SOX6: variants seen among roughly 807,000 people sequenced by gnomAD.
SOX6 encodes the protein transcription factor SOX-6.
A neutral mutation model predicts 97.8 loss-of-function variants in SOX6; 11 were observed. The observed-to-expected ratio is 0.11, with a 90% CI of 0.07 to 0.19. SOX6 has a LOEUF of 0.19. Ranked by LOEUF, SOX6 falls within the 10% of genes least tolerant of loss-of-function variation. The pLI is 1.00. For synonymous variants in SOX6, 360 were observed against 371.4 expected, an observed-to-expected ratio of 0.97 and a Z score of 0.35; for missense variants, 810 against 1,039.5, an observed-to-expected ratio of 0.78 and a Z score of 3.04.
chr11:16,197,662 C>A (rs758587583), intron 4 of SOX6, among the ~76,000 whole-genome samples: 1 of 152,100 alleles, frequency 6.6e-6, no homozygotes. Flanking sequence ...ATAGGTGCTG[C>A]CAAATATATC....
At chr11:16,045,814 G>A (rs990918217) in intron 12 of SOX6, among the ~76,000 whole-genome samples, 2 of 152,136 alleles carry the variant, frequency 1.3e-5, no homozygotes, top group African/African-American at 2.4e-5. Context: ...TAACATGCCA[G>A]CCCTATAACA....
intron 4 of SOX6, among the ~76,000 whole-genome samples, chr11:16,505,892 T>C (rs1348294173): frequency 6.6e-6 from 1 of 152,032 alleles, no homozygotes; most frequent in African/African-American, 2.4e-5. Flanking sequence ...AGGGCAAGAG[T>C]TGAGGCTTGG....
chr11:16,538,587 T>G (rs1861347472), intron 4 of SOX6, among the ~76,000 whole-genome samples: 2 of 152,118 alleles, frequency 1.3e-5, no homozygotes, highest in African/African-American at 4.8e-5. Context: ...CCATCTCATG[T>G]GCAGAGACAC....
chr11:16,055,229 A>G (rs1847784373), intron 10 of SOX6, among the ~76,000 whole-genome samples: 1 of 151,840 alleles, frequency 6.6e-6, no homozygotes, highest in Non-Finnish European at 1.5e-5. Context: ...ATTTTATTTT[A>G]TTTATTTATT....
At chr11:16,334,337 T>C (rs1009912180) in intron 2 of SOX6, among the ~76,000 whole-genome samples, 1 of 152,176 alleles carries the variant, frequency 6.6e-6, no homozygotes, top group East Asian at 1.9e-4. Flanking sequence ...TAATCACATG[T>C]TAATGACTGG....
chr11:16,217,958 A>G (rs926656190), intron 4 of SOX6, among the ~76,000 whole-genome samples: 4 of 152,082 alleles, frequency 2.6e-5, no homozygotes, highest in African/African-American at 9.7e-5. Context: ...CGCCTCCTAG[A>G]TAAGTTTCCT....
chr11:16,194,117 T>G (rs1026657715), intron 4 of SOX6, among the ~76,000 whole-genome samples: 6 of 152,286 alleles, frequency 3.9e-5, no homozygotes, highest in African/African-American at 1.2e-4. Context: ...TACTTTGTGG[T>G]GACTGCCTGA....
At chr11:16,457,082 T>C (rs1458860878) in intron 1 of SOX6, among the ~76,000 whole-genome samples, 2 of 152,150 alleles carry the variant, frequency 1.3e-5, no homozygotes, top group Non-Finnish European at 2.9e-5. Context: ...CTAGGATTTC[T>C]GATACTCTGT....
rs192235787 is a variant in SOX6 at position 16,114,272 on chromosome 11, T to C, written c.778-2349A>G. 2.1e-4 allele frequency among the ~76,000 whole-genome samples: 32 copies of C among 152,186 alleles called. 1 individual carries two copies. Among genetic ancestry groups the C allele is most frequent in the South Asian group, 4.1e-4 (2 of 4,826 alleles). ...TTACTAGGTGCCTCTAAAGGCCTTGTTGGCAAAAAGTCTGAACTCAAATCT... is the reference window on the plus strand; with the variant it reads ...TTACTAGGTGCCTCTAAAGGCCTTGCTGGCAAAAAGTCTGAACTCAAATCT... On this transcript the variant is annotated intron_variant, in intron 6 of 15. Transcript: ENST00000683767.
At position 16,354,389 on chromosome 11, in the gene SOX6, G is replaced by A. The variant is rs534718004; in HGVS notation, c.-5+1705C>T. Among the ~76,000 whole-genome samples, 337 of 151,998 alleles carry A rather than the reference G, an allele frequency of 2.2e-3. 2 individuals carry two copies. The highest frequency in any genetic ancestry group is 7.9e-3 in the African/African-American group (327 of 41,490). On this transcript the variant is annotated intron_variant, in intron 1 of 15. Coordinates refer to ENST00000683767, the MANE Select transcript of SOX6 (RefSeq NM_001367873.1). ...ACATCACAATAAATAAAAATTCCAC[G>A]GAATATAAGTTTTCCAGTCCCAATA...
intron 6 of SOX6, among the ~76,000 whole-genome samples, chr11:16,133,211 C>A (rs1849867887): frequency 6.6e-6 from 1 of 152,174 alleles, no homozygotes; most frequent in Non-Finnish European, 1.5e-5. Flanking sequence ...GGGCACACCC[C>A]TTTTTGGAGA....
At chr11:16,274,650 G>C (rs1174119135) in intron 3 of SOX6, among the ~76,000 whole-genome samples, 2 of 152,098 alleles carry the variant, frequency 1.3e-5, no homozygotes, top group Non-Finnish European at 2.9e-5. Flanking sequence ...TCCCACATTT[G>C]TTAAATTAAA....
intron 4 of SOX6, among the ~76,000 whole-genome samples, chr11:16,193,097 T>G (rs749957715): frequency 1.3e-5 from 2 of 151,882 alleles, no homozygotes; most frequent in Non-Finnish European, 2.9e-5. Flanking sequence ...AATGAGAAAA[T>G]CTAGAAACAA....
chr11:16,183,980 T>C (rs1265977290), intron 5 of SOX6, 26 bp from the exon 6 acceptor site: 4 of 1,601,664 alleles, frequency 2.5e-6, no homozygotes, highest in Non-Finnish European at 3.4e-6. Flanking sequence ...TTTCATTAAG[T>C]TAAAATGAAA....
intron 3 of SOX6, among the ~76,000 whole-genome samples, chr11:16,627,229 G>C (rs1848635204): frequency 6.6e-6 from 1 of 152,078 alleles, no homozygotes; most frequent in African/African-American, 2.4e-5. Context: ...ACCGTTGATG[G>C]GCACCTAGAT....
intron 2 of SOX6, among the ~76,000 whole-genome samples, chr11:16,723,590 A>G (rs149700034): frequency 0.019 from 2,822 of 152,172 alleles, 75 homozygotes; most frequent in African/African-American, 0.063. Flanking sequence ...AGGGCAGATC[A>G]CTTGAGGCCA....
chr11:16,712,727 G>A (rs975182525), intron 3 of SOX6, among the ~76,000 whole-genome samples: 9 of 152,106 alleles, frequency 5.9e-5, no homozygotes, highest in African/African-American at 2.2e-4. Flanking sequence ...TACTGTCACA[G>A]TCCCTTGTTT....
chr11:15,991,230 A>G (rs183379359), intron 13 of SOX6, among the ~76,000 whole-genome samples: 108 of 152,350 alleles, frequency 7.1e-4, no homozygotes, highest in African/African-American at 2.5e-3. Context: ...CCCACAGTAC[A>G]TTAATTTCAT....
At chr11:16,539,497 T>TA (rs531210151) in intron 4 of SOX6, among the ~76,000 whole-genome samples, 29 of 151,012 alleles carry the variant, frequency 1.9e-4, no homozygotes, top group Admixed American at 1.1e-3. Flanking sequence ...GATAGAGACA[T>TA]AAAAAAAACC....
Sources: gnomAD v4.1 joint callset for allele counts (sites outside exome capture counted in the v4.1 genomes callset) on GRCh38, gnomAD v4.1.1 for gene constraint, MANE v1.5 for transcripts, NCBI Gene and HGNC (gene_info 2026-07-23, HGNC 2026-07-21) for gene names.